Variants in LRFN5 observed in about 807,000 individuals in gnomAD.
LRFN5 encodes the protein leucine-rich repeat and fibronectin type-III domain-containing protein 5.
Under a neutral mutation model 45.6 loss-of-function variants are expected in LRFN5, and 24 were observed. That is an observed-to-expected ratio of 0.53 (90% CI 0.38 to 0.74). The LOEUF (loss-of-function observed/expected upper bound fraction) is 0.74, where lower values mean the gene tolerates loss of function less well. LRFN5 is among the 30% of genes least tolerant of loss of function. LRFN5 has a pLI of 0.00. For missense variants in LRFN5, 776 were observed against 861.5 expected (o/e 0.90, Z 1.24); for synonymous variants, 340 against 313.8 (o/e 1.08, Z -0.88).
At chr14:41,770,896 T>C (rs1886060120) in intron 2 of LRFN5, among the ~76,000 whole-genome samples, 1 of 151,988 alleles carries the variant, frequency 6.6e-6, no homozygotes, top group South Asian at 2.1e-4. Context: ...AGAGTTTCTC[T>C]GTGAGGAGCT....
At position 41,887,758 on chromosome 14, in the gene LRFN5, C is replaced by T. The variant is rs780311233; in HGVS notation, c.1133C>T (p.Pro378Leu). Residue 378 changes from proline (P) to leucine (L), a missense_variant, in exon 3 of 6, where the codon CCT becomes CTT. This residue lies in a region of LRFN5 where 465 missense variants were observed against 456.4 expected (regional missense o/e 1.02). Transcript: ENST00000298119. This position sits in a 1 kb window ranked among gnomAD's most constrained non-coding sequence, Gnocchi z 4.8. Reference sequence around the variant, plus strand: ...GTGGATCTTCATATAATTAAGCTCCCTCACTTACTAAATAGTACAAACCAT... The same window carrying T: ...GTGGATCTTCATATAATTAAGCTCCTTCACTTACTAAATAGTACAAACCAT... ...QIVDLHIIKL[P>L]HLLNSTNHIH... 6.2e-7 allele frequency: 1 copy of T among 1,613,940 alleles called. No homozygotes were observed. Among genetic ancestry groups the T allele is most frequent in the South Asian group, 1.1e-5 (1 of 91,078 alleles).
chr14:41,816,483 T>A (rs1321619871), intron 2 of LRFN5, among the ~76,000 whole-genome samples: 1 of 152,098 alleles, frequency 6.6e-6, no homozygotes, highest in Non-Finnish European at 1.5e-5. Context: ...ACAAATTTCC[T>A]CAATGTTTGT....
At position 41,887,055 on chromosome 14, in the gene LRFN5, G is replaced by C. The variant is rs1476091978; in HGVS notation, c.430G>C (p.Asp144His). 6.2e-7 allele frequency: 1 copy of C among 1,613,986 alleles called. No individual in the cohort carries two copies. Among genetic ancestry groups the C allele is most frequent in the Admixed American group, 1.7e-5 (1 of 60,000 alleles). ...QLTLISSTAF[D>H]DVFALEELDL... ...GACTTTAATTTCCTCTACAGCGTTTGATGATGTCTTCGCCCTTGAGGAGCT... is the reference window on the plus strand; with the variant it reads ...GACTTTAATTTCCTCTACAGCGTTTCATGATGTCTTCGCCCTTGAGGAGCT... The change falls in exon 3 of 6, where the codon GAT (aspartate) becomes CAT (histidine). Residue 144 changes from aspartate to histidine, a missense_variant. This residue lies in a region of LRFN5 where 311 missense variants were observed against 405.1 expected (regional missense o/e 0.77). Coordinates refer to ENST00000298119, the MANE Select transcript of LRFN5 (RefSeq NM_152447.5). This position sits in a 1 kb window ranked among gnomAD's most constrained non-coding sequence, Gnocchi z 4.8.
At position 41,791,964 on chromosome 14, in the gene LRFN5, C is replaced by T. The variant is rs533936961; in HGVS notation, c.-21+24935C>T. ...TATGGTTGAATAACAATTTATTATG[C>T]TTTTGCAGCAAACATGATTATCAGG... On this transcript the variant is annotated intron_variant, in intron 2 of 5. Coordinates refer to ENST00000298119, the MANE Select transcript of LRFN5 (RefSeq NM_152447.5). 2.0e-5 allele frequency among the ~76,000 whole-genome samples: 3 copies of T among 152,192 alleles called. No homozygotes were observed. The South Asian group carries it at 6.2e-4, about 32-fold the overall frequency.
At chr14:41,772,410 A>C (rs1036635679) in intron 2 of LRFN5, among the ~76,000 whole-genome samples, 3 of 152,222 alleles carry the variant, frequency 2.0e-5, no homozygotes, top group Admixed American at 6.5e-5. Context: ...CCACAAAAAC[A>C]TACAGATACA....
intron 2 of LRFN5, among the ~76,000 whole-genome samples, chr14:41,779,023 A>G (rs946014470): frequency 2.0e-5 from 3 of 151,692 alleles, no homozygotes; most frequent in African/African-American, 7.2e-5. Flanking sequence ...ACTAGTTCAG[A>G]CTGCCATTAT....
At chr14:41,815,252 A>G (rs1887876837) in intron 2 of LRFN5, among the ~76,000 whole-genome samples, 1 of 152,110 alleles carries the variant, frequency 6.6e-6, no homozygotes, top group Non-Finnish European at 1.5e-5. Flanking sequence ...AATAATTGTT[A>G]TATTTTTCAT....
At chr14:41,649,221 C>T (rs547825468) in intron 1 of LRFN5, among the ~76,000 whole-genome samples, 4 of 151,816 alleles carry the variant, frequency 2.6e-5, no homozygotes, top group Admixed American at 1.3e-4. Flanking sequence ...GGCAAAAGAG[C>T]GAGAGTCTGT....
intron 1 of LRFN5, among the ~76,000 whole-genome samples, chr14:41,676,334 A>T (rs1451089304): frequency 6.6e-6 from 1 of 152,204 alleles, no homozygotes; most frequent in Non-Finnish European, 1.5e-5. Context: ...GAAAAGCAGC[A>T]GTGGCCTATA....
Position 41,664,891 on chromosome 14 carries a change from A to G in LRFN5, c.-197+56329A>G, listed in dbSNP as rs146074460. ...ATCAATACACAAGAAGACAAGTTGTATGTGATGACAGTAATTCTATCCACA... is the reference window on the plus strand; with the variant it reads ...ATCAATACACAAGAAGACAAGTTGTGTGTGATGACAGTAATTCTATCCACA... On this transcript the variant is annotated intron_variant, in intron 1 of 5. Coordinates refer to ENST00000298119, the MANE Select transcript of LRFN5 (RefSeq NM_152447.5). Among the ~76,000 whole-genome samples the G allele has an allele frequency of 9.3e-3, 1,409 of 152,138 alleles. 6 individuals are homozygous for G. The highest frequency in any genetic ancestry group is 0.02 in the East Asian group (102 of 5,164).
intron 2 of LRFN5, among the ~76,000 whole-genome samples, chr14:41,834,851 T>C (rs114252123): frequency 0.015 from 2,237 of 151,906 alleles, 51 homozygotes; most frequent in African/African-American, 0.05. Flanking sequence ...TTTGTGGAGA[T>C]GAGGTTTCGC....
intron 1 of LRFN5, among the ~76,000 whole-genome samples, chr14:41,671,722 T>C (rs1225687303): frequency 6.8e-6 from 1 of 147,472 alleles, no homozygotes; most frequent in Non-Finnish European, 1.5e-5. Context: ...GTTCAAGCTA[T>C]TCTCCTGCCT....
chr14:41,902,252 T>C (rs145888981), intron 5 of LRFN5, among the ~76,000 whole-genome samples: 1,568 of 151,976 alleles, frequency 0.01, 9 homozygotes, highest in Non-Finnish European at 0.015. Flanking sequence ...ATGAGGACAA[T>C]AACCAAAACA....
intron 2 of LRFN5, among the ~76,000 whole-genome samples, chr14:41,838,392 A>G (rs1888738842): frequency 6.6e-6 from 1 of 152,152 alleles, no homozygotes; most frequent in Non-Finnish European, 1.5e-5. Flanking sequence ...GCAATCCTGG[A>G]AGAGAGGTTC....
chr14:41,650,638 G>A (rs953449430), intron 1 of LRFN5, among the ~76,000 whole-genome samples: 1 of 151,912 alleles, frequency 6.6e-6, no homozygotes. Context: ...TCTCTTTTAA[G>A]GAAATGATTT....
intron 2 of LRFN5, among the ~76,000 whole-genome samples, chr14:41,779,388 G>C (rs1337412783): frequency 6.6e-6 from 1 of 151,740 alleles, no homozygotes; most frequent in African/African-American, 2.4e-5. Context: ...TATGTTATTA[G>C]AAATTTTTGG....
intron 4 of LRFN5, among the ~76,000 whole-genome samples, chr14:41,898,354 T>G (rs1420812251): frequency 6.6e-6 from 1 of 152,096 alleles, no homozygotes; most frequent in Non-Finnish European, 1.5e-5. Context: ...AGGAAGGTTG[T>G]TCGTATTTAG....
chr14:41,680,783 A>G (rs745453949), intron 1 of LRFN5, among the ~76,000 whole-genome samples: 1 of 152,166 alleles, frequency 6.6e-6, no homozygotes. Context: ...ACCACCAGGG[A>G]CCAATCCTGA....
chr14:41,751,880 C>T (rs1203590832), intron 1 of LRFN5, among the ~76,000 whole-genome samples: 1 of 151,476 alleles, frequency 6.6e-6, no homozygotes, highest in Non-Finnish European at 1.5e-5. Flanking sequence ...TGTCATTTAA[C>T]ATTAGGCATA....
Sources: allele counts gnomAD v4.1 joint callset (sites outside exome capture counted in the v4.1 genomes callset), GRCh38; gene constraint gnomAD v4.1.1; regional missense constraint gnomAD v4.1.1; non-coding constraint Gnocchi (gnomAD v3.1); transcripts MANE v1.5; gene names NCBI Gene and HGNC (gene_info 2026-07-23, HGNC 2026-07-21).